Variants in CERT1 observed in about 807,000 individuals in gnomAD.
CERT1 encodes the protein ceramide transporter 1.
CERT1 carries 31 observed loss-of-function variants against 87.9 expected under a neutral mutation model. The observed-to-expected ratio is 0.35, with a 90% CI of 0.27 to 0.48. The LOEUF is 0.48. Ranked by LOEUF, CERT1 falls within the 20% of genes least tolerant of loss-of-function variation. The pLI is 0.99. For missense variants in CERT1, 487 were observed against 758.0 expected, an observed-to-expected ratio of 0.64 and a Z score of 4.20; for synonymous variants, 289 against 250.9, an observed-to-expected ratio of 1.15 and a Z score of -1.44.
At chr5:75,468,412 T>A (rs1344632642) in intron 2 of CERT1, among the ~76,000 whole-genome samples, 1 of 152,156 alleles carries the variant, frequency 6.6e-6, no homozygotes, top group East Asian at 1.9e-4. Context: ...GACTTTCCCT[T>A]GGTTCCTAAT....
At chr5:75,391,612 G>C (rs903966459) in intron 11 of CERT1, among the ~76,000 whole-genome samples, 1 of 152,118 alleles carries the variant, frequency 6.6e-6, no homozygotes, top group African/African-American at 2.4e-5. Context: ...TCTGCTTTGG[G>C]AGGGCGAGGA....
chr5:75,384,238 A>T (rs1761698103), intron 14 of CERT1, among the ~76,000 whole-genome samples: 1 of 152,220 alleles, frequency 6.6e-6, no homozygotes, highest in Non-Finnish European at 1.5e-5. Context: ...CTAGACTTAA[A>T]CTGTGTATAA....
intron 7 of CERT1, among the ~76,000 whole-genome samples, chr5:75,412,573 G>A (rs765558663): frequency 2.0e-5 from 3 of 152,158 alleles, no homozygotes; most frequent in African/African-American, 4.8e-5. Context: ...ATCATAGAGT[G>A]TACTTATATA....
At position 75,505,987 on chromosome 5, in the gene CERT1, T is replaced by C. The variant is rs1767633879; in HGVS notation, c.226A>G (p.Ile76Val). 4 of 1,613,078 alleles carry C rather than the reference T, an allele frequency of 2.5e-6. No individual in the cohort carries two copies. The African/African-American group carries it at 5.3e-5, about 22-fold the overall frequency. Residue 76 changes from isoleucine (I) to valine (V), a missense_variant, in exon 2 of 17, where the codon ATC (isoleucine) becomes GTC (valine). Ile to Val is a conservative substitution (Grantham distance 29, BLOSUM62 3). Transcript: ENST00000643780. ...RGSICLSKAV[I>V]TPHDFDECRF... ...GAAGAAGAAAAGGAACTTACTGTGA[T>C]GACAGCCTTGCTAAGACAGATGGAT...
chr5:75,374,630 G>T, downstream of CERT1: 1 of 659,006 alleles, frequency 1.5e-6, no homozygotes, highest in Non-Finnish European at 2.8e-6. Context: ...TTTCCGAAGC[G>T]AGTGTCTTTG....
chr5:75,374,868 A>G, downstream of CERT1: 1 of 423,442 alleles, frequency 2.4e-6, no homozygotes, highest in Admixed American at 2.8e-5. Context: ...TAAAATGGAA[A>G]TTGTACTTAA....
intron 2 of CERT1, among the ~76,000 whole-genome samples, chr5:75,479,734 T>G (rs560987743): frequency 2.0e-5 from 3 of 152,286 alleles, no homozygotes; most frequent in African/African-American, 7.2e-5. Context: ...TTATTGTGAA[T>G]AGTGCTGCAA....
At chr5:75,394,140 A>T (rs1351422861) in intron 11 of CERT1, among the ~76,000 whole-genome samples, 1 of 152,242 alleles carries the variant, frequency 6.6e-6, no homozygotes, top group Non-Finnish European at 1.5e-5. Flanking sequence ...TATAATATTC[A>T]GTGCTACTAT....
chr5:75,435,035 G>C (rs1764031355), intron 3 of CERT1, among the ~76,000 whole-genome samples: 1 of 152,064 alleles, frequency 6.6e-6, no homozygotes, highest in African/African-American at 2.4e-5. Context: ...GGTTGGTCTT[G>C]TTTTTCTAGT....
intron 11 of CERT1, among the ~76,000 whole-genome samples, chr5:75,396,626 G>C (rs538621219): frequency 9.2e-5 from 14 of 151,934 alleles, no homozygotes; most frequent in African/African-American, 3.1e-4. Context: ...CTACTCAGGT[G>C]GCTGAGGCAA....
intron 9 of CERT1, chr5:75,402,732 G>A (rs758818727): frequency 2.6e-5 from 7 of 269,026 alleles, no homozygotes; most frequent in Non-Finnish European, 5.0e-5. Context: ...CCCAGGAGGT[G>A]GAAGTTGCAG....
intron 2 of CERT1, among the ~76,000 whole-genome samples, chr5:75,474,666 GA>G (rs746086126): frequency 6.6e-6 from 1 of 151,978 alleles, no homozygotes; most frequent in Non-Finnish European, 1.5e-5. Context: ...ATCGTGTTAG[GA>G]AAACTGGATA....
intron 6 of CERT1, among the ~76,000 whole-genome samples, chr5:75,417,530 A>C (rs551365267): frequency 2.3e-4 from 35 of 152,330 alleles, no homozygotes; most frequent in Admixed American, 3.9e-4. Flanking sequence ...ATTTTAATTC[A>C]TGGTTAGCTT....
chr5:75,392,880 G>A (rs2112045849), intron 11 of CERT1, among the ~76,000 whole-genome samples: 1 of 137,252 alleles, frequency 7.3e-6, no homozygotes, highest in Non-Finnish European at 1.5e-5. Context: ...TGTGAAAGGA[G>A]AATAGCGTGA....
intron 2 of CERT1, among the ~76,000 whole-genome samples, chr5:75,472,201 G>C (rs1022995942): frequency 6.6e-6 from 1 of 152,154 alleles, no homozygotes; most frequent in South Asian, 2.1e-4. Context: ...AACAAATAGT[G>C]TTAGGAAAAC....
intron 3 of CERT1, among the ~76,000 whole-genome samples, chr5:75,444,332 A>C (rs557413335): frequency 6.6e-6 from 1 of 152,144 alleles, no homozygotes; most frequent in African/African-American, 2.4e-5. Context: ...GGAATTACAA[A>C]TGTGAGCCAC....
intron 2 of CERT1, among the ~76,000 whole-genome samples, chr5:75,461,821 G>GAAA (rs11404644): frequency 6.7e-5 from 6 of 89,698 alleles, no homozygotes; most frequent in East Asian, 2.9e-4. Context: ...TCAACAAAGT[G>GAAA]AAAAAAAAAA....
intron 8 of CERT1, among the ~76,000 whole-genome samples, chr5:75,408,770 GTAAAA>G (rs1225012604): frequency 1.3e-5 from 2 of 151,606 alleles, no homozygotes; most frequent in African/African-American, 2.4e-5. Flanking sequence ...TACTTCCAAT[GTAAAA>G]TAAAATAAAA....
intron 7 of CERT1, among the ~76,000 whole-genome samples, chr5:75,415,762 C>T (rs551448439): frequency 2.6e-5 from 4 of 151,750 alleles, no homozygotes; most frequent in East Asian, 3.9e-4. Context: ...TTTTTCAATA[C>T]ATTGTTTTTT....
Sources: allele counts gnomAD v4.1 joint callset (sites outside exome capture counted in the v4.1 genomes callset), GRCh38; gene constraint gnomAD v4.1.1; transcripts MANE v1.5; gene names NCBI Gene and HGNC (gene_info 2026-07-23, HGNC 2026-07-21).